The following KCNN2 variants were observed in gnomAD, a reference collection of about 807,000 sequenced individuals.
KCNN2 encodes the protein small conductance calcium-activated potassium channel protein 2.
A neutral mutation model predicts 55.5 loss-of-function variants in KCNN2; 24 were observed. The ratio of observed to expected loss-of-function variants is 0.43; its 90% CI spans 0.31 to 0.61. KCNN2 has a LOEUF of 0.61. Ranked by LOEUF, KCNN2 falls within the 20% of genes least tolerant of loss-of-function variation. The probability of loss-of-function intolerance (pLI) is 0.08; values close to 1 mark genes in which losing one functional copy is unlikely to be tolerated. For synonymous variants in KCNN2, 431 were observed against 336.1 expected, an observed-to-expected ratio of 1.28 and a Z score of -3.09; for missense variants, 754 against 853.6, an observed-to-expected ratio of 0.88 and a Z score of 1.45.
chr5:114,278,047 G>T (rs1232655264), intron 2 of KCNN2, among the ~76,000 whole-genome samples: 1 of 152,178 alleles, frequency 6.6e-6, no homozygotes, highest in African/African-American at 2.4e-5. Flanking sequence ...TTTTGTTGAT[G>T]TTGATGATAT....
rs977413045 is a variant in KCNN2 at position 114,058,232 on chromosome 5, C to G, written c.-271+1732C>G. ...AAAAACTACTAAAATAAAAACCCAA[C>G]TAGGTAGGGGTGTGTGTGTGTGTGT... On this transcript the variant is annotated intron_variant, in intron 1 of 10. Transcript: ENST00000512097. Among the ~76,000 whole-genome samples the G allele has an allele frequency of 2.6e-5, 4 of 151,842 alleles. No homozygotes were observed. In the South Asian group the frequency reaches 8.3e-4, roughly 32 times the overall value.
At chr5:114,478,851 G>T (rs1421698251) in intron 5 of KCNN2, among the ~76,000 whole-genome samples, 1 of 152,118 alleles carries the variant, frequency 6.6e-6, no homozygotes, top group Non-Finnish European at 1.5e-5. Context: ...CAAATGCTGA[G>T]GGAATTCATC....
intron 1 of KCNN2, among the ~76,000 whole-genome samples, chr5:114,140,144 C>A (rs1420851070): frequency 2.0e-5 from 3 of 151,970 alleles, no homozygotes; most frequent in African/African-American, 4.8e-5. Flanking sequence ...TTTTAATTTT[C>A]TACATGGTAA....
chr5:114,122,754 C>T (rs193067546), intron 1 of KCNN2, among the ~76,000 whole-genome samples: 203 of 152,124 alleles, frequency 1.3e-3, no homozygotes, highest in South Asian at 2.3e-3. Flanking sequence ...AGAAAACAAA[C>T]GAGGAAGAGG....
intron 1 of KCNN2, among the ~76,000 whole-genome samples, chr5:114,140,512 C>A (rs1238200442): frequency 6.6e-6 from 1 of 152,046 alleles, no homozygotes; most frequent in Non-Finnish European, 1.5e-5. Flanking sequence ...TCATCATCTA[C>A]GTAAATGCAC....
intron 2 of KCNN2, among the ~76,000 whole-genome samples, chr5:114,270,967 C>T (rs919246766): frequency 6.6e-6 from 1 of 152,038 alleles, no homozygotes; most frequent in African/African-American, 2.4e-5. Context: ...GTAGTGCGGA[C>T]CCTTTATGAG....
intron 2 of KCNN2, among the ~76,000 whole-genome samples, chr5:114,266,959 A>G (rs1035450200): frequency 4.0e-5 from 6 of 149,682 alleles, no homozygotes; most frequent in African/African-American, 1.5e-4. Flanking sequence ...TGGATTACTG[A>G]TATTAAGATG....
intron 2 of KCNN2, among the ~76,000 whole-genome samples, chr5:114,249,444 AC>A (rs1754814971): frequency 6.6e-6 from 1 of 151,114 alleles, no homozygotes; most frequent in Admixed American, 6.6e-5. Flanking sequence ...GTGCCACTAC[AC>A]CCAGCTAATT....
intron 3 of KCNN2, among the ~76,000 whole-genome samples, chr5:114,447,293 G>T (rs1760455380): frequency 6.6e-6 from 1 of 152,206 alleles, no homozygotes; most frequent in South Asian, 2.1e-4. Flanking sequence ...ACTTTCACCT[G>T]CCTAGTGGCC....
At chr5:114,114,970 T>G (rs1194314447) in intron 1 of KCNN2, among the ~76,000 whole-genome samples, 1 of 152,196 alleles carries the variant, frequency 6.6e-6, no homozygotes, top group African/African-American at 2.4e-5. Flanking sequence ...TCCTTTTCCC[T>G]TCACAATATT....
chr5:114,154,779 T>G (rs1752596407), intron 1 of KCNN2, among the ~76,000 whole-genome samples: 1 of 152,136 alleles, frequency 6.6e-6, no homozygotes, highest in South Asian at 2.1e-4. Context: ...CTTCTGATTG[T>G]CATAGAATTT....
intron 2 of KCNN2, among the ~76,000 whole-genome samples, chr5:114,223,986 T>A (rs1042692579): frequency 1.3e-5 from 2 of 152,176 alleles, no homozygotes; most frequent in African/African-American, 4.8e-5. Flanking sequence ...AACTAGCTAC[T>A]ACCAGGGTGA....
chr5:114,368,044 T>C (rs1361797640), intron 2 of KCNN2, among the ~76,000 whole-genome samples: 1 of 152,096 alleles, frequency 6.6e-6, no homozygotes, highest in African/African-American at 2.4e-5. Context: ...GATCCACTTA[T>C]ACACAGATTT....
intron 2 of KCNN2, among the ~76,000 whole-genome samples, chr5:114,252,510 A>G (rs1754886647): frequency 6.6e-6 from 1 of 152,144 alleles, no homozygotes; most frequent in Non-Finnish European, 1.5e-5. Context: ...TCTCAACAGT[A>G]AATGTTATTA....
intron 1 of KCNN2, among the ~76,000 whole-genome samples, chr5:114,066,055 C>T (rs186521487): frequency 1.3e-5 from 2 of 152,056 alleles, no homozygotes; most frequent in Admixed American, 1.3e-4. Flanking sequence ...GTCTATTTAA[C>T]ATATTGGAAG....
intron 2 of KCNN2, among the ~76,000 whole-genome samples, chr5:114,274,950 C>T (rs948193236): frequency 6.6e-6 from 1 of 152,026 alleles, no homozygotes; most frequent in Admixed American, 6.6e-5. Flanking sequence ...TTTGCCAATT[C>T]AGTGATATTG....
At chr5:114,244,483 G>C (rs544002171) in intron 2 of KCNN2, among the ~76,000 whole-genome samples, 104 of 152,086 alleles carry the variant, frequency 6.8e-4, no homozygotes, top group African/African-American at 2.4e-3. Flanking sequence ...TGTGATCCCA[G>C]CTACTTGGGA....
At chr5:114,466,434 G>GT (rs530654180) in intron 4 of KCNN2, among the ~76,000 whole-genome samples, 143 of 151,396 alleles carry the variant, frequency 9.4e-4, no homozygotes, top group South Asian at 7.5e-3. Flanking sequence ...TAAAGTAATT[G>GT]TTTTACTTAG....
At chr5:114,492,409 T>C (rs1382399887) in intron 6 of KCNN2, among the ~76,000 whole-genome samples, 2 of 152,194 alleles carry the variant, frequency 1.3e-5, no homozygotes, top group Non-Finnish European at 2.9e-5. Context: ...TTTTTGTTTG[T>C]TTTCATTAAA....
Sources: allele counts gnomAD v4.1 joint callset (sites outside exome capture counted in the v4.1 genomes callset), GRCh38; gene constraint gnomAD v4.1.1; transcripts MANE v1.5; gene names NCBI Gene and HGNC (gene_info 2026-07-23, HGNC 2026-07-21).